The following PDZRN3 variants were observed in gnomAD, a reference collection of about 807,000 sequenced individuals.
PDZRN3 encodes PDZ domain containing ring finger 3.
In PDZRN3, 38 loss-of-function variants were observed where a neutral mutation model predicts 85.7. The observed-to-expected ratio is 0.44, with a 90% CI of 0.34 to 0.58. The LOEUF (loss-of-function observed/expected upper bound fraction) is 0.58, where lower values mean the gene tolerates loss of function less well. PDZRN3 is among the 20% of genes least tolerant of loss of function. The pLI is 0.01. For synonymous variants in PDZRN3, 759 were observed against 638.0 expected, an observed-to-expected ratio of 1.19 and a Z score of -2.86; for missense variants, 1,629 against 1,506.4, an observed-to-expected ratio of 1.08 and a Z score of -1.35.
rs117374808 is a variant in PDZRN3 at position 73,425,692 on chromosome 3, G to A, written c.919-21297C>T. ...ATACTTATACACTGGTGGGTATTAC[G>A]CAGACAGACTCATTTAGGGGCAATC... On this transcript the variant is annotated intron_variant, in intron 3 of 9. Coordinates refer to ENST00000263666, the MANE Select transcript of PDZRN3 (RefSeq NM_015009.3). Among the ~76,000 whole-genome samples the A allele has an allele frequency of 1.4e-3, 207 of 152,032 alleles. 3 individuals are homozygous for A. The East Asian group carries it at 0.032, about 24-fold the overall frequency.
chr3:73,618,065 C>T (rs1702792571), intron 1 of PDZRN3, among the ~76,000 whole-genome samples: 4 of 152,186 alleles, frequency 2.6e-5, no homozygotes, highest in African/African-American at 9.7e-5. Context: ...CTACACTGGA[C>T]CTATGTAAAT....
intron 3 of PDZRN3, among the ~76,000 whole-genome samples, chr3:73,595,853 T>C (rs1258774473): frequency 6.6e-6 from 1 of 152,194 alleles, no homozygotes; most frequent in Non-Finnish European, 1.5e-5. Context: ...GTATATGTTA[T>C]TATCGTGGTA....
At chr3:73,436,047 C>T (rs1466193914) in intron 3 of PDZRN3, among the ~76,000 whole-genome samples, 1 of 152,192 alleles carries the variant, frequency 6.6e-6, no homozygotes, top group Non-Finnish European at 1.5e-5. Flanking sequence ...TTCCCTTTCT[C>T]CTTCCTTCCA....
intron 3 of PDZRN3, among the ~76,000 whole-genome samples, chr3:73,516,954 T>A (rs944152845): frequency 1.3e-5 from 2 of 152,216 alleles, no homozygotes; most frequent in African/African-American, 4.8e-5. Context: ...GACAAGTTGC[T>A]GTGCTCGGTT....
intron 3 of PDZRN3, among the ~76,000 whole-genome samples, chr3:73,552,600 C>T (rs1294092724): frequency 1.3e-5 from 2 of 152,152 alleles, no homozygotes; most frequent in Admixed American, 1.3e-4. Flanking sequence ...TTCTTATCAA[C>T]TAGATTCTGC....
intron 3 of PDZRN3, among the ~76,000 whole-genome samples, chr3:73,555,092 G>A (rs1258842348): frequency 3.3e-5 from 5 of 152,084 alleles, no homozygotes; most frequent in Admixed American, 3.3e-4. Flanking sequence ...CTTTTCAGAG[G>A]CAATTAGGGG....
intron 1 of PDZRN3, among the ~76,000 whole-genome samples, chr3:73,612,610 T>C (rs1217041823): frequency 6.6e-6 from 1 of 152,198 alleles, no homozygotes. Flanking sequence ...GTGAACTTGG[T>C]TGTTCAAAAA....
chr3:73,415,693 G>C (rs932226686), intron 3 of PDZRN3, among the ~76,000 whole-genome samples: 1 of 152,146 alleles, frequency 6.6e-6, no homozygotes, highest in African/African-American at 2.4e-5. Context: ...TGCAGCTGAT[G>C]AAAGTGTTCT....
chr3:73,608,023 G>A (rs1039776295), intron 2 of PDZRN3, among the ~76,000 whole-genome samples: 5 of 152,156 alleles, frequency 3.3e-5, no homozygotes, highest in Admixed American at 1.3e-4. Flanking sequence ...TCTGGAGCCC[G>A]TTCTTTGAAC....
intron 3 of PDZRN3, among the ~76,000 whole-genome samples, chr3:73,411,856 A>C (rs1288714255): frequency 6.6e-6 from 1 of 152,208 alleles, no homozygotes; most frequent in Non-Finnish European, 1.5e-5. Flanking sequence ...CACTTTAATC[A>C]TGATAAACCC....
chr3:73,586,164 T>C (rs1006942441), intron 3 of PDZRN3, among the ~76,000 whole-genome samples: 11 of 152,188 alleles, frequency 7.2e-5, no homozygotes, highest in African/African-American at 2.4e-4. Context: ...TCCTCACGAT[T>C]TCCCTCTGGC....
intron 3 of PDZRN3, among the ~76,000 whole-genome samples, chr3:73,508,837 G>A (rs1436270029): frequency 6.6e-6 from 1 of 152,114 alleles, no homozygotes; most frequent in African/African-American, 2.4e-5. Flanking sequence ...CACTTCCCTA[G>A]CCATAACCAA....
chr3:73,471,034 C>G (rs970870512), intron 3 of PDZRN3, among the ~76,000 whole-genome samples: 1 of 152,172 alleles, frequency 6.6e-6, no homozygotes. Flanking sequence ...AGAGTCCTAA[C>G]GGCCAGTCCT....
At chr3:73,412,665 C>A (rs1205367098) in intron 3 of PDZRN3, among the ~76,000 whole-genome samples, 4 of 152,168 alleles carry the variant, frequency 2.6e-5, no homozygotes, top group African/African-American at 9.7e-5. Context: ...GGTTATTCAT[C>A]TCTTGATGCC....
intron 3 of PDZRN3, among the ~76,000 whole-genome samples, chr3:73,581,894 T>C (rs970553336): frequency 4.7e-5 from 7 of 148,544 alleles, no homozygotes; most frequent in African/African-American, 1.7e-4. Flanking sequence ...AGCTCAGGAG[T>C]TCAAGAACAG....
At chr3:73,495,301 T>TAAA (rs11390546) in intron 3 of PDZRN3, among the ~76,000 whole-genome samples, 4 of 151,640 alleles carry the variant, frequency 2.6e-5, no homozygotes, top group Non-Finnish European at 4.4e-5. Flanking sequence ...ATTTTGCTTG[T>TAAA]AAAAAAAAAT....
intron 3 of PDZRN3, among the ~76,000 whole-genome samples, chr3:73,489,575 C>CTTTTCTTTTTTT (rs576536883): frequency 6.2e-5 from 5 of 80,096 alleles, no homozygotes; most frequent in East Asian, 8.0e-4. Flanking sequence ...AGTTTCTTTT[C>CTTTTCTTTTTTT]TTTTTTTTTT....
At chr3:73,469,166 C>T (rs1703284082) in intron 3 of PDZRN3, among the ~76,000 whole-genome samples, 4 of 151,796 alleles carry the variant, frequency 2.6e-5, no homozygotes, top group African/African-American at 4.8e-5. Context: ...CTCCGCCTCC[C>T]GGGTTCAAGC....
chr3:73,465,949 T>C (rs1376039284), intron 3 of PDZRN3, among the ~76,000 whole-genome samples: 1 of 152,236 alleles, frequency 6.6e-6, no homozygotes, highest in Non-Finnish European at 1.5e-5. Flanking sequence ...CTTTGGAATA[T>C]GTCTCCAAAA....
Sources: gnomAD v4.1 joint callset for allele counts (sites outside exome capture counted in the v4.1 genomes callset) on GRCh38, gnomAD v4.1.1 for gene constraint, MANE v1.5 for transcripts, NCBI Gene and HGNC (gene_info 2026-07-23, HGNC 2026-07-21) for gene names.